The following LRRC9 variants were observed in gnomAD, a reference collection of about 807,000 sequenced individuals.
LRRC9 encodes leucine-rich repeat-containing protein 9.
Under a neutral mutation model 63.2 loss-of-function variants are expected in LRRC9, and 122 were observed. That is an observed-to-expected ratio of 1.93 (90% CI 1.67 to 2.24). LRRC9 has a LOEUF of 2.24. Ranked by LOEUF, LRRC9 falls within the 30% of genes most tolerant of loss-of-function variation. The pLI is 0.00. For missense variants in LRRC9, 1,071 were observed against 627.7 expected (o/e 1.71, Z -7.55); for synonymous variants, 366 against 213.1 (o/e 1.72, Z -6.25).
At chr14:59,952,879 G>A (rs150677) in intron 8 of LRRC9, among the ~76,000 whole-genome samples, 64,555 of 151,802 alleles carry the variant, frequency 0.43, 14,418 homozygotes, top group East Asian at 0.64. Flanking sequence ...TCATTGTTCA[G>A]CTCCCACTTG....
intron 8 of LRRC9, among the ~76,000 whole-genome samples, chr14:59,959,412 T>C (rs1031646563): frequency 1.2e-4 from 18 of 152,292 alleles, no homozygotes; most frequent in Admixed American, 2.0e-4. Flanking sequence ...TACTGAAAAA[T>C]TGAAAAGTAT....
chr14:59,968,287 G>A (rs1009954844), intron 12 of LRRC9, among the ~76,000 whole-genome samples: 10 of 152,186 alleles, frequency 6.6e-5, no homozygotes, highest in Admixed American at 3.9e-4. Flanking sequence ...AGGAGGTAGG[G>A]AGTTACTGTT....
intron 17 of LRRC9, among the ~76,000 whole-genome samples, chr14:59,991,093 G>T (rs1888039231): frequency 6.6e-6 from 1 of 152,030 alleles, no homozygotes; most frequent in Non-Finnish European, 1.5e-5. Context: ...TCTAATACTT[G>T]GTTTTATATG....
At chr14:60,026,634 C>A (rs540096289) in intron 27 of LRRC9, among the ~76,000 whole-genome samples, 1 of 152,112 alleles carries the variant, frequency 6.6e-6, no homozygotes, top group South Asian at 2.1e-4. Context: ...AGGTATTACA[C>A]AAGAAATCTT....
intron 17 of LRRC9, among the ~76,000 whole-genome samples, chr14:59,989,292 T>C (rs973366766): frequency 2.6e-5 from 4 of 152,092 alleles, no homozygotes; most frequent in Admixed American, 6.5e-5. Context: ...ATTATCCATA[T>C]GTGAAATCTT....
intron 29 of LRRC9, among the ~76,000 whole-genome samples, chr14:60,038,491 AAGTT>A (rs1892649307): frequency 6.6e-6 from 1 of 152,078 alleles, no homozygotes; most frequent in African/African-American, 2.4e-5. Context: ...CATCCCTTGT[AAGTT>A]AGATTCCTAG....
intron 8 of LRRC9, among the ~76,000 whole-genome samples, chr14:59,959,284 A>G (rs1436754486): frequency 6.6e-6 from 1 of 152,228 alleles, no homozygotes; most frequent in Admixed American, 6.5e-5. Context: ...TCTTAAGACC[A>G]GTGCTGTGCT....
chr14:59,920,639 G>A (rs1469118083), intron 1 of LRRC9, among the ~76,000 whole-genome samples: 1 of 152,062 alleles, frequency 6.6e-6, no homozygotes, highest in Non-Finnish European at 1.5e-5. Flanking sequence ...GGTAACTGAT[G>A]GATTCTGATC....
intron 3 of LRRC9, among the ~76,000 whole-genome samples, chr14:59,929,807 A>G (rs1006118300): frequency 6.6e-6 from 1 of 152,108 alleles, no homozygotes; most frequent in Non-Finnish European, 1.5e-5. Context: ...CATTGTCCTT[A>G]GCAAACTAAC....
rs1891979981 is a variant in LRRC9, at chr14:60,031,405, A to G, written c.3922-590A>G. Reference sequence around the variant, plus strand: ...TTGGCTAAAGTTTGTCAGAAATAGCATTTTAGAAATAATTTTGCAAAAACT... The same window carrying G: ...TTGGCTAAAGTTTGTCAGAAATAGCGTTTTAGAAATAATTTTGCAAAAACT... On this transcript the variant is annotated intron_variant, in intron 28 of 31. Coordinates refer to ENST00000445360, the Ensembl canonical transcript of LRRC9. The surrounding 1 kb of genome is among the most constrained non-coding windows in gnomAD (Gnocchi z 4.6). Among the ~76,000 whole-genome samples, 1 of 152,082 alleles carries G rather than the reference A, an allele frequency of 6.6e-6. No homozygotes were observed. Among genetic ancestry groups the G allele is most frequent in the Non-Finnish European group, 1.5e-5 (1 of 67,960 alleles).
At chr14:59,953,689 C>A (rs1326102695) in intron 8 of LRRC9, among the ~76,000 whole-genome samples, 1 of 152,106 alleles carries the variant, frequency 6.6e-6, no homozygotes, top group Admixed American at 6.5e-5. Flanking sequence ...TCAATTTTGA[C>A]TTTTGTTGCT....
intron 8 of LRRC9, among the ~76,000 whole-genome samples, chr14:59,947,750 T>C (rs936768102): frequency 1.9e-4 from 28 of 143,880 alleles, no homozygotes; most frequent in African/African-American, 2.6e-4. Flanking sequence ...CCCAGCACCA[T>C]TTATTAAATA....
At position 60,003,300 on chromosome 14, in the gene LRRC9, A is replaced by G. The variant is rs1889540263; in HGVS notation, c.2665-321A>G. Among the ~76,000 whole-genome samples the G allele has an allele frequency of 6.6e-6, 1 of 152,226 alleles. No homozygotes were observed. Among genetic ancestry groups the G allele is most frequent in the Non-Finnish European group, 1.5e-5 (1 of 68,038 alleles). On this transcript the variant is annotated intron_variant, in intron 20 of 31. Coordinates refer to ENST00000445360, the Ensembl canonical transcript of LRRC9. The surrounding 1 kb of genome is among the most constrained non-coding windows in gnomAD (Gnocchi z 4.2). ...GAGAGTGACCTTGGCAGCTGTCTAC[A>G]GCAAGGCAGTCCCTGCAGGGACTGA...
Position 60,027,380 on chromosome 14 carries a change from G to T in LRRC9, c.3704-504G>T, listed in dbSNP as rs1299114252. ...TATAAATAAGGTTTAGAGTTTTGAA[G>T]AATTAAATGAACTTTGATGTGTTTA... On this transcript the variant is annotated intron_variant, in intron 27 of 31. Transcript: ENST00000445360. The surrounding 1 kb of genome is among the most constrained non-coding windows in gnomAD (Gnocchi z 4.0). Among the ~76,000 whole-genome samples the T allele has an allele frequency of 6.6e-6, 1 of 151,940 alleles. No homozygotes were observed. The highest frequency in any genetic ancestry group is 1.5e-5 in the Non-Finnish European group (1 of 67,934).
intron 17 of LRRC9, among the ~76,000 whole-genome samples, chr14:59,991,469 G>A (rs1039841674): frequency 6.6e-6 from 1 of 152,146 alleles, no homozygotes; most frequent in African/African-American, 2.4e-5. Context: ...GAAAGTGGGT[G>A]CAGAACAGTG....
rs61992220 is a variant in LRRC9 at position 59,964,364 on chromosome 14, A to C, written c.1212-2225A>C. 3.5e-3 allele frequency among the ~76,000 whole-genome samples: 539 copies of C among 152,302 alleles called. 2 individuals carry two copies. Among genetic ancestry groups the C allele is most frequent in the Non-Finnish European group, 5.7e-3 (390 of 68,026 alleles). On this transcript the variant is annotated intron_variant, in intron 10 of 31. Coordinates refer to ENST00000445360, the Ensembl canonical transcript of LRRC9. The surrounding 1 kb of genome is among the most constrained non-coding windows in gnomAD (Gnocchi z 4.4). ...TGAAGCAAACGCAGTACTCCACCAC[A>C]TAAGTGGTTTTGTTTGTTCTGTTTC...
At chr14:60,055,180 T>C (rs1471151829) in intron 30 of LRRC9, among the ~76,000 whole-genome samples, 1 of 152,266 alleles carries the variant, frequency 6.6e-6, no homozygotes, top group Non-Finnish European at 1.5e-5. Flanking sequence ...TTACAATGTT[T>C]AAAAAAGATT....
chr14:59,923,824 C>G lies in LRRC9; in HGVS notation c.-34+3941C>G, dbSNP rs943181553. 6.6e-6 allele frequency among the ~76,000 whole-genome samples: 1 copy of G among 152,120 alleles called. No homozygotes were observed. The highest frequency in any genetic ancestry group is 1.5e-5 in the Non-Finnish European group (1 of 68,034). On this transcript the variant is annotated intron_variant, in intron 1 of 31. Transcript: ENST00000445360. This position sits in a 1 kb window ranked among gnomAD's most constrained non-coding sequence, Gnocchi z 4.2. Reference sequence around the variant, plus strand: ...GGCGTGGTGGCAGGCGCCTATAGTTCCAGCGACTCCGAAGGCTGAGGCAGG... The same window carrying G: ...GGCGTGGTGGCAGGCGCCTATAGTTGCAGCGACTCCGAAGGCTGAGGCAGG...
In LRRC9 at chr14:59,928,119, A is replaced by C. The variant is rs924650681; in HGVS notation, c.48+128A>C. 8.7e-6 allele frequency: 5 copies of C among 574,494 alleles called. No homozygotes were observed. In the African/African-American group the frequency reaches 9.5e-5, roughly 11 times the overall value. 35.6% of individuals were successfully genotyped at this position (574,494 alleles called of 1,614,324 possible). A position where few individuals can be genotyped will look rare whatever the true frequency, so the allele number is the denominator to read the frequency against. On this transcript the variant is annotated intron_variant, in intron 2 of 31. Transcript: ENST00000445360. ...TCTACCTAGTGACTTTGGGAAGCAG[A>C]GAATAATCATATATGTGATATAACT...
Sources: gnomAD v4.1 joint callset for allele counts (sites outside exome capture counted in the v4.1 genomes callset) on GRCh38, gnomAD v4.1.1 for gene constraint, Gnocchi (gnomAD v3.1) non-coding constraint, MANE v1.5 for transcripts, NCBI Gene and HGNC (gene_info 2026-07-23, HGNC 2026-07-21) for gene names.